The following OPRL1 variants were observed in gnomAD, a reference collection of about 807,000 sequenced individuals.
OPRL1 encodes the protein nociceptin receptor.
OPRL1 carries 5 observed loss-of-function variants against 15.5 expected under a neutral mutation model. That is an observed-to-expected ratio of 0.32 (90% confidence interval 0.17 to 0.68). The LOEUF is 0.68. Ranked by LOEUF, OPRL1 falls within the 30% of genes least tolerant of loss-of-function variation. The pLI is 0.72. For missense variants in OPRL1, 406 were observed against 515.3 expected (o/e 0.79, Z 2.05); for synonymous variants, 223 against 230.2 (o/e 0.97, Z 0.28).
intron 1 of OPRL1, chr20:64,084,038 C>A: frequency 6.7e-7 from 1 of 1,502,566 alleles, no homozygotes; most frequent in African/African-American, 1.4e-5. Context: ...GAGCAGATGG[C>A]GGTGGCGCTG....
At chr20:64,096,804 C>T (rs1370842442) in intron 3 of OPRL1, among the ~76,000 whole-genome samples, 5 of 147,282 alleles carry the variant, frequency 3.4e-5, no homozygotes, top group East Asian at 2.0e-4. Context: ...CCATCCTCAC[C>T]ACCACCATCA....
Position 64,098,486 on chromosome 20 carries a change from T to A in OPRL1, c.800T>A (p.Val267Glu). 1 of 1,613,040 alleles carries A rather than the reference T, an allele frequency of 6.2e-7. No individual in the cohort carries two copies. Among genetic ancestry groups the A allele is most frequent in the Non-Finnish European group, 8.5e-7 (1 of 1,179,986 alleles). The change falls in exon 5 of 5, where the codon GTG (valine) becomes GAG (glutamate). Residue 267 changes from valine (V) to glutamate (E), a missense_variant. Transcript: ENST00000336866. The part of the protein sequence containing the change: ...NLRRITRLVL[V>E]VVAVFVGCWT... Reference sequence around the variant, plus strand: ...CGGCGCATCACTCGGCTGGTGCTGGTGGTAGTGGCTGTGTTCGTGGGCTGC... The same window carrying A: ...CGGCGCATCACTCGGCTGGTGCTGGAGGTAGTGGCTGTGTTCGTGGGCTGC...
chr20:64,088,441 G>A (rs1364893358), intron 1 of OPRL1, among the ~76,000 whole-genome samples: 1 of 150,762 alleles, frequency 6.6e-6, no homozygotes, highest in African/African-American at 2.4e-5. Context: ...TCTGTTCAAG[G>A]GAGTCGGGGG....
intron 1 of OPRL1, among the ~76,000 whole-genome samples, chr20:64,086,115 C>T (rs567198854): frequency 2.6e-5 from 4 of 152,306 alleles, no homozygotes; most frequent in South Asian, 4.1e-4. Flanking sequence ...TCTGGGCAGC[C>T]TTTGTGCTCC....
At chr20:64,080,639 A>G (rs1342516437) in intron 1 of OPRL1, among the ~76,000 whole-genome samples, 2 of 152,042 alleles carry the variant, frequency 1.3e-5, no homozygotes, top group Non-Finnish European at 2.9e-5. Flanking sequence ...GACTCTTCTC[A>G]TCCTTTATGA....
In OPRL1 at chr20:64,092,631, G is replaced by A. The variant is rs762529058; in HGVS notation, c.-33-57G>A. On this transcript the variant is annotated intron_variant, in intron 2 of 4. Coordinates refer to ENST00000336866, the MANE Select transcript of OPRL1 (RefSeq NM_182647.4). ...TGGGCTGCACGTGCTGGGTTGTGAG[G>A]CCTCCGCTGGGCGTGTGTCTGGCAC... 1.2e-4 allele frequency: 172 copies of A among 1,385,472 alleles called. 1 individual carries two copies. The highest frequency in any genetic ancestry group is 1.7e-4 in the Non-Finnish European group (170 of 999,728). 85.8% of individuals were successfully genotyped at this position (1,385,472 alleles called of 1,614,324 possible).
chr20:64,096,999 C>T, intron 3 of OPRL1, among the ~76,000 whole-genome samples: 1 of 152,280 alleles, frequency 6.6e-6, no homozygotes, highest in East Asian at 1.9e-4. Flanking sequence ...CCACTATCAC[C>T]ACCACCACCA....
At position 64,083,782 on chromosome 20, in the gene OPRL1, G is replaced by A; in HGVS notation, c.-185+3430G>A. On this transcript the variant is annotated intron_variant, in intron 1 of 4. Coordinates refer to ENST00000336866, the MANE Select transcript of OPRL1 (RefSeq NM_182647.4). This position sits in a 1 kb window ranked among gnomAD's most constrained non-coding sequence, Gnocchi z 4.9. The stretch of plus-strand genomic sequence containing the variant: ...CGGCCGGCTCCGCTCAACGCTCCCG[G>A]TGCGCCCCCTCTGCCCTCCGACCCC... The A allele has an allele frequency of 1.5e-6, 2 of 1,334,394 alleles. No individual in the cohort carries two copies. Among genetic ancestry groups the A allele is most frequent in the South Asian group, 1.9e-5 (1 of 51,284 alleles). 82.7% of individuals were successfully genotyped at this position (1,334,394 alleles called of 1,614,324 possible).
At position 64,083,487 on chromosome 20, in the gene OPRL1, C is replaced by A; in HGVS notation, c.-185+3135C>A. On this transcript the variant is annotated intron_variant, in intron 1 of 4. Coordinates refer to ENST00000336866, the MANE Select transcript of OPRL1 (RefSeq NM_182647.4). This position sits in a 1 kb window ranked among gnomAD's most constrained non-coding sequence, Gnocchi z 4.9. ...GTTCTCCTCCAGGATGGTCTCCACG[C>A]GCCTCCGCTGCCGGGGAGAGAGGCT... The A allele has an allele frequency of 6.3e-7, 1 of 1,594,550 alleles. No individual in the cohort carries two copies. The highest frequency in any genetic ancestry group is 8.5e-7 in the Non-Finnish European group (1 of 1,171,736).
In OPRL1 at chr20:64,098,091, T is replaced by C. The variant is rs1379593514; in HGVS notation, c.523T>C (p.Trp175Arg). Residue 175 changes from tryptophan (W) to arginine (R), a missense_variant, in exon 4 of 5, where the codon TGG (tryptophan) becomes CGG (arginine). Transcript: ENST00000336866. ...AGCCCAGGCTGTCAATGTGGCCATC[T>C]GGGCCCTGGCCTCTGTTGTCGGTGT... is the stretch of plus-strand genomic sequence containing the variant. ...SKAQAVNVAI[W>R]ALASVVGVPV... 6.2e-7 allele frequency: 1 copy of C among 1,613,310 alleles called. No homozygotes were observed. The highest frequency in any genetic ancestry group is 1.7e-5 in the Admixed American group (1 of 60,020).
At chr20:64,087,883 A>G (rs1184802779) in intron 1 of OPRL1, among the ~76,000 whole-genome samples, 1 of 152,180 alleles carries the variant, frequency 6.6e-6, no homozygotes, top group Non-Finnish European at 1.5e-5. Context: ...GGGTCTAGAG[A>G]TACCTGGGCC....
chr20:64,098,898 C>G lies in OPRL1; in HGVS notation c.*99C>G. 2 of 1,430,642 alleles carry G rather than the reference C, an allele frequency of 1.4e-6. No individual in the cohort carries two copies. Among genetic ancestry groups the G allele is most frequent in the Non-Finnish European group, 1.8e-6 (2 of 1,085,142 alleles). The allele number at this position is 1,430,642 out of a possible 1,614,324, so 88.6% of individuals were successfully genotyped here. A position where few individuals can be genotyped will look rare whatever the true frequency, so the allele number is the denominator to read the frequency against. On this transcript the variant is annotated 3_prime_UTR_variant, in exon 5 of 5. Transcript: ENST00000336866. Reference sequence around the variant, plus strand: ...TCACTGCTCTCTAGGCGGACACACCCTGGGCCCTGAGCATCCAGAGCCTGG... The same window carrying G: ...TCACTGCTCTCTAGGCGGACACACCGTGGGCCCTGAGCATCCAGAGCCTGG...
chr20:64,083,802 G>A lies in OPRL1; in HGVS notation c.-185+3450G>A. The stretch of plus-strand genomic sequence containing the variant: ...TCCCGGTGCGCCCCCTCTGCCCTCC[G>A]ACCCCCTCGCCTCACCCGCATGCGG... On this transcript the variant is annotated intron_variant, in intron 1 of 4. Transcript: ENST00000336866. This position sits in a 1 kb window ranked among gnomAD's most constrained non-coding sequence, Gnocchi z 4.9. 7.5e-7 allele frequency: 1 copy of A among 1,339,900 alleles called. No homozygotes were observed. Among genetic ancestry groups the A allele is most frequent in the Non-Finnish European group, 9.5e-7 (1 of 1,051,704 alleles). 83.0% of individuals were successfully genotyped at this position (1,339,900 alleles called of 1,614,324 possible). A position where few individuals can be genotyped will look rare whatever the true frequency, so the allele number is the denominator to read the frequency against.
At chr20:64,082,637 C>T (rs575041250) in intron 1 of OPRL1, among the ~76,000 whole-genome samples, 1 of 152,274 alleles carries the variant, frequency 6.6e-6, no homozygotes, top group South Asian at 2.1e-4. Context: ...GAAGCGGGGG[C>T]CTAGGGAAGC....
intron 3 of OPRL1, among the ~76,000 whole-genome samples, chr20:64,095,998 G>A (rs1456000614): frequency 2.0e-5 from 3 of 152,252 alleles, no homozygotes; most frequent in South Asian, 4.1e-4. Context: ...AAGAACAGCT[G>A]TCCCTCCCCA....
rs1475038220 is a variant in OPRL1 at position 64,090,019 on chromosome 20, C to T, written c.-184-1947C>T. On this transcript the variant is annotated intron_variant, in intron 1 of 4. Coordinates refer to ENST00000336866, the MANE Select transcript of OPRL1 (RefSeq NM_182647.4). This position sits in a 1 kb window ranked among gnomAD's most constrained non-coding sequence, Gnocchi z 4.9. ...GCTTTGCCTGGAGAGCGTGTTTGTG[C>T]ATGTGTGTGTCCTCTGGGTGTCGGA... Among the ~76,000 whole-genome samples, 2 of 152,186 alleles carry T rather than the reference C, an allele frequency of 1.3e-5. No individual in the cohort carries two copies. The highest frequency in any genetic ancestry group is 2.9e-5 in the Non-Finnish European group (2 of 68,024).
chr20:64,081,835 G>T (rs1236928962), intron 1 of OPRL1, among the ~76,000 whole-genome samples: 1 of 152,206 alleles, frequency 6.6e-6, no homozygotes, highest in Non-Finnish European at 1.5e-5. Flanking sequence ...CCCTGGTGCA[G>T]TCACTGAGGT....
At chr20:64,081,345 C>T (rs1358901278) in intron 1 of OPRL1, among the ~76,000 whole-genome samples, 1 of 152,254 alleles carries the variant, frequency 6.6e-6, no homozygotes, top group African/African-American at 2.4e-5. Context: ...GTCAGGGAAG[C>T]TCAACGAAGA....
At position 64,081,488 on chromosome 20, in the gene OPRL1, G is replaced by A. The variant is rs6011285; in HGVS notation, c.-185+1136G>A. On this transcript the variant is annotated intron_variant, in intron 1 of 4. Coordinates refer to ENST00000336866, the MANE Select transcript of OPRL1 (RefSeq NM_182647.4). ...AGGTCAGTGCCCTCCCTGCCCCCTC[G>A]GGTCACTCTACAACCCCCCAGTCAT... 3.4e-3 allele frequency among the ~76,000 whole-genome samples: 523 copies of A among 152,206 alleles called. 4 individuals carry two copies. The highest frequency in any genetic ancestry group is 0.012 in the African/African-American group (489 of 41,510).
Sources: allele counts gnomAD v4.1 joint callset (sites outside exome capture counted in the v4.1 genomes callset), GRCh38; gene constraint gnomAD v4.1.1; non-coding constraint Gnocchi (gnomAD v3.1); transcripts MANE v1.5; gene names NCBI Gene and HGNC (gene_info 2026-07-23, HGNC 2026-07-21).